The following CNKSR3 variants were observed in gnomAD, a reference collection of about 807,000 sequenced individuals.
CNKSR3 encodes CNKSR family member 3, also known as connector enhancer of kinase suppressor of ras 3.
In CNKSR3, 36 loss-of-function variants were observed where a neutral mutation model predicts 67.7. The observed-to-expected ratio is 0.53, with a 90% CI of 0.41 to 0.70. The LOEUF is 0.70. Among genes scored for constraint, CNKSR3 ranks in the 30% least tolerant of loss-of-function variants. The pLI, the probability that CNKSR3 is intolerant of heterozygous loss-of-function variation, is 0.00. For synonymous variants in CNKSR3, 281 were observed against 271.4 expected (o/e 1.04, Z -0.35); for missense variants, 630 against 695.2 (o/e 0.91, Z 1.05).
At chr6:154,489,166 C>G (rs1786733278) in intron 1 of CNKSR3, among the ~76,000 whole-genome samples, 1 of 152,104 alleles carries the variant, frequency 6.6e-6, no homozygotes, top group Non-Finnish European at 1.5e-5. Context: ...TCTGGTACAA[C>G]AAATATATGA....
At chr6:154,439,898 TAAAAC>T (rs1785546632) in intron 4 of CNKSR3, among the ~76,000 whole-genome samples, 1 of 151,662 alleles carries the variant, frequency 6.6e-6, no homozygotes, top group African/African-American at 2.4e-5. Flanking sequence ...CTCTTAAAAA[TAAAAC>T]AAAATCAAAA....
At chr6:154,497,311 A>C (rs1421599644) in intron 1 of CNKSR3, among the ~76,000 whole-genome samples, 1 of 152,024 alleles carries the variant, frequency 6.6e-6, no homozygotes, top group Non-Finnish European at 1.5e-5. Context: ...GGATCTCTTG[A>C]GCCCCGGAGG....
intron 1 of CNKSR3, among the ~76,000 whole-genome samples, chr6:154,482,842 G>C (rs567474138): frequency 6.6e-6 from 1 of 152,286 alleles, no homozygotes; most frequent in South Asian, 2.1e-4. Context: ...GATAATGGGG[G>C]GAAGGGTGAA....
chr6:154,476,606 C>G (rs1355455088), intron 1 of CNKSR3, among the ~76,000 whole-genome samples: 1 of 152,136 alleles, frequency 6.6e-6, no homozygotes, highest in Non-Finnish European at 1.5e-5. Context: ...CTTGGAGCAT[C>G]GGTTACCTAA....
In CNKSR3 at chr6:154,442,292, T is replaced by C; in HGVS notation, c.217-2A>G. 1 of 1,611,334 alleles carries C rather than the reference T, an allele frequency of 6.2e-7. No individual in the cohort carries two copies. The highest frequency in any genetic ancestry group is 8.5e-7 in the Non-Finnish European group (1 of 1,177,724). The stretch of plus-strand genomic sequence containing the variant: ...GTTATCAGTTTCGAGGCCATAATTC[T>C]GTGGAAAATAAAATCAAAGAGAAAA... On this transcript the variant is annotated splice_acceptor_variant, in intron 2 of 12. Coordinates refer to ENST00000607772, the MANE Select transcript of CNKSR3 (RefSeq NM_173515.4). LOFTEE classifies it high-confidence loss of function.
In CNKSR3 at chr6:154,422,987, T is replaced by C. The variant is rs755227291; in HGVS notation, c.730-4A>G. On this transcript the variant is annotated splice_region_variant and splice_polypyrimidine_tract_variant and intron_variant, in intron 7 of 12. Coordinates refer to ENST00000607772, the MANE Select transcript of CNKSR3 (RefSeq NM_173515.4). ...TCTGAGATCTGTCTGCAGGAGACTG[T>C]ACAGAAACAAAATAACCTGCCTTAA... The C allele has an allele frequency of 6.3e-7, 1 of 1,591,248 alleles. No homozygotes were observed. Among genetic ancestry groups the C allele is most frequent in the South Asian group, 1.2e-5 (1 of 86,950 alleles).
rs1175956090 is a variant in CNKSR3 at position 154,442,157 on chromosome 6, G to C, written c.350C>G (p.Pro117Arg). 1 of 1,614,196 alleles carries C rather than the reference G, an allele frequency of 6.2e-7. No individual in the cohort carries two copies. The highest frequency in any genetic ancestry group is 1.1e-5 in the South Asian group (1 of 91,078). Reference protein sequence around the residue: ...AYDGNTSRKAPNEFLTSVVEL... With the variant: ...AYDGNTSRKARNEFLTSVVEL... Reference sequence around the variant, plus strand: ...CACCACCGAGGTCAGGAACTCATTGGGGGCCTTGCGGGAGGTGTTGCCATC... The same window carrying C: ...CACCACCGAGGTCAGGAACTCATTGCGGGCCTTGCGGGAGGTGTTGCCATC... Residue 117 changes from proline to arginine, a missense_variant, in exon 3 of 13, where the codon CCC (proline) becomes CGC (arginine). By Grantham distance (103) the Pro-to-Arg change is moderately radical. Around this residue, in one of 3 missense-constraint regions of CNKSR3, gnomAD observed 189 missense variants for 205.0 expected, o/e 0.92. Transcript: ENST00000607772.
At chr6:154,442,328 A>C in intron 2 of CNKSR3, 38 bp from the exon 3 acceptor site, 2 of 1,569,040 alleles carry the variant, frequency 1.3e-6, no homozygotes, top group Non-Finnish European at 1.8e-6. Context: ...ATTCAAAACA[A>C]TGCACAATAT....
At chr6:154,418,151 C>T (rs987315433) in intron 9 of CNKSR3, among the ~76,000 whole-genome samples, 12 of 152,294 alleles carry the variant, frequency 7.9e-5, no homozygotes, top group Admixed American at 6.5e-4. Context: ...CCTCAGCTGA[C>T]GGAGCTGCCT....
At chr6:154,433,643 G>A (rs1584078504) in intron 4 of CNKSR3, 136 bp from the exon 5 acceptor site, 1 of 652,640 alleles carries the variant, frequency 1.5e-6, no homozygotes. Flanking sequence ...CAGTCCTGCA[G>A]GACTGGGATG....
At chr6:154,499,158 A>G (rs1006485161) in intron 1 of CNKSR3, among the ~76,000 whole-genome samples, 14 of 152,212 alleles carry the variant, frequency 9.2e-5, no homozygotes, top group African/African-American at 1.9e-4. Context: ...TATTCTGCAG[A>G]AAGGACACTT....
chr6:154,500,972 C>T (rs56273807), intron 1 of CNKSR3, among the ~76,000 whole-genome samples: 20,931 of 151,960 alleles, frequency 0.14, 1,815 homozygotes, highest in African/African-American at 0.25. Flanking sequence ...AGAAACTAGC[C>T]GCAGCAAAAA....
intron 10 of CNKSR3, among the ~76,000 whole-genome samples, chr6:154,413,390 C>T (rs1562320087): frequency 6.6e-6 from 1 of 152,094 alleles, no homozygotes; most frequent in African/African-American, 2.4e-5. Flanking sequence ...CAACCACACC[C>T]AGCTAATTTT....
rs1275982454 is a variant in CNKSR3, at chr6:154,404,522, A to G, written c.*1832T>C. 6.6e-6 allele frequency: 1 copy of G among 152,224 alleles called. No individual in the cohort carries two copies. Among genetic ancestry groups the G allele is most frequent in the Non-Finnish European group, 1.5e-5 (1 of 68,098 alleles). 9.4% of individuals were successfully genotyped at this position (152,224 alleles called of 1,614,324 possible). On this transcript the variant is annotated 3_prime_UTR_variant, in exon 13 of 13. Transcript: ENST00000607772. Reference sequence around the variant, plus strand: ...ACCAGATCTTCATGGCAGTTGTCTTAGAGGTAGAGAAGAAAACAGCCAGAC... The same window carrying G: ...ACCAGATCTTCATGGCAGTTGTCTTGGAGGTAGAGAAGAAAACAGCCAGAC...
chr6:154,462,694 A>C (rs950115940), intron 1 of CNKSR3, among the ~76,000 whole-genome samples: 1 of 152,192 alleles, frequency 6.6e-6, no homozygotes, highest in Non-Finnish European at 1.5e-5. Flanking sequence ...CCATCTACCT[A>C]GAATGGCTCA....
intron 1 of CNKSR3, among the ~76,000 whole-genome samples, chr6:154,501,025 AG>A (rs1341787395): frequency 1.3e-5 from 2 of 152,222 alleles, no homozygotes; most frequent in African/African-American, 4.8e-5. Context: ...AGAAAGACAG[AG>A]GGCGCTCTCT....
Position 154,395,092 on chromosome 6 carries a change from G to A in CNKSR3, c.*11262C>T, listed in dbSNP as rs990536120. 1.3e-5 allele frequency: 2 copies of A among 152,176 alleles called. No homozygotes were observed. Among genetic ancestry groups the A allele is most frequent in the Admixed American group, 6.5e-5 (1 of 15,276 alleles). 9.4% of individuals were successfully genotyped at this position (152,176 alleles called of 1,614,324 possible). ...GGTCAAGTGGAACGGAGGTGCCCAG[G>A]GCAGGAGAGCAGGGCTTCCTGGCAA... On this transcript the variant is annotated 3_prime_UTR_variant, in exon 13 of 13. Coordinates refer to ENST00000607772, the MANE Select transcript of CNKSR3 (RefSeq NM_173515.4).
At chr6:154,485,314 A>G (rs988830294) in intron 1 of CNKSR3, among the ~76,000 whole-genome samples, 1 of 152,208 alleles carries the variant, frequency 6.6e-6, no homozygotes, top group Non-Finnish European at 1.5e-5. Flanking sequence ...AGAAGAAATT[A>G]TATGTGTTTC....
chr6:154,414,406 C>G lies in CNKSR3; in HGVS notation c.963G>C (p.Ala321=). The change falls in exon 10 of 13, where the codon GCG becomes GCC. Residue 321 remains alanine, a synonymous_variant. Transcript: ENST00000607772. The part of the protein sequence containing the change: ...PPLVQTSPPP[A]TTQSPESTMD... ...TAGTGCTTTCAGGGGACTGGGTTGT[C>G]GCGGGTGGAGGTGAGGTCTGAAACA... 6.3e-7 allele frequency: 1 copy of G among 1,598,704 alleles called. No homozygotes were observed. The highest frequency in any genetic ancestry group is 8.5e-7 in the Non-Finnish European group (1 of 1,174,576).
Sources: gnomAD v4.1 joint callset for allele counts (sites outside exome capture counted in the v4.1 genomes callset) on GRCh38, gnomAD v4.1.1 for gene constraint, gnomAD v4.1.1 regional missense constraint, MANE v1.5 for transcripts, NCBI Gene and HGNC (gene_info 2026-07-23, HGNC 2026-07-21) for gene names.